PALLD: variants seen among roughly 807,000 people sequenced by gnomAD.
The protein encoded by PALLD is palladin.
A neutral mutation model predicts 123.5 loss-of-function variants in PALLD; 61 were observed. That is an observed-to-expected ratio of 0.49 (90% CI 0.40 to 0.61). The LOEUF (loss-of-function observed/expected upper bound fraction) is 0.61. Ranked by LOEUF, PALLD falls within the 20% of genes least tolerant of loss-of-function variation. PALLD has a pLI of 0.00. For synonymous variants in PALLD, 465 were observed against 496.4 expected (o/e 0.94, Z 0.84); for missense variants, 1,273 against 1,377.0 (o/e 0.92, Z 1.20).
intron 2 of PALLD, among the ~76,000 whole-genome samples, chr4:168,661,267 A>G (rs1037574462): frequency 2.0e-5 from 3 of 152,088 alleles, no homozygotes; most frequent in Admixed American, 6.5e-5. Context: ...TAGTCATTGT[A>G]TTTCCTTATG....
intron 10 of PALLD, among the ~76,000 whole-genome samples, chr4:168,878,922 TGAAG>T (rs1477278298): frequency 6.6e-6 from 1 of 152,192 alleles, no homozygotes; most frequent in African/African-American, 2.4e-5. Context: ...ACAATGGATG[TGAAG>T]GAGTTTGGTT....
At chr4:168,611,450 C>T (rs146112366) in intron 2 of PALLD, among the ~76,000 whole-genome samples, 1 of 152,196 alleles carries the variant, frequency 6.6e-6, no homozygotes, top group Admixed American at 6.5e-5. Flanking sequence ...AGCACAAACA[C>T]AAAGGTAGCA....
intron 10 of PALLD, among the ~76,000 whole-genome samples, chr4:168,752,263 A>G (rs1731161987): frequency 2.0e-5 from 3 of 152,202 alleles, no homozygotes; most frequent in Non-Finnish European, 4.4e-5. Context: ...AGTCCCAGCT[A>G]CTCAGGAGGC....
intron 2 of PALLD, among the ~76,000 whole-genome samples, chr4:168,662,641 A>T (rs1039198858): frequency 6.6e-6 from 1 of 152,228 alleles, no homozygotes. Context: ...CTTTCCCTAA[A>T]TGATACCAGC....
chr4:168,902,707 G>A (rs140641100), intron 14 of PALLD, among the ~76,000 whole-genome samples: 2 of 152,222 alleles, frequency 1.3e-5, no homozygotes, highest in Admixed American at 6.5e-5. Flanking sequence ...TTGTTTAAAA[G>A]TGAGGGAAGG....
chr4:168,661,935 A>G (rs947384163), intron 2 of PALLD, among the ~76,000 whole-genome samples: 5 of 152,132 alleles, frequency 3.3e-5, no homozygotes, highest in African/African-American at 9.7e-5. Context: ...TTTGCATATA[A>G]TATGCATTCA....
At chr4:168,782,290 G>A (rs1213900684) in intron 10 of PALLD, among the ~76,000 whole-genome samples, 2 of 152,188 alleles carry the variant, frequency 1.3e-5, no homozygotes, top group Non-Finnish European at 2.9e-5. Flanking sequence ...TTGATGTAGA[G>A]CGAATTATAT....
At chr4:168,672,521 C>T (rs1046195331) in intron 3 of PALLD, among the ~76,000 whole-genome samples, 8 of 151,736 alleles carry the variant, frequency 5.3e-5, no homozygotes, top group Non-Finnish European at 1.2e-4. Flanking sequence ...TGCAGTGGCG[C>T]GATCTTGGCT....
chr4:168,634,900 G>T (rs557830756), intron 2 of PALLD, among the ~76,000 whole-genome samples: 1 of 151,962 alleles, frequency 6.6e-6, no homozygotes, highest in Non-Finnish European at 1.5e-5. Flanking sequence ...GCGAAGAGCT[G>T]TACTCCCTAT....
chr4:168,657,474 G>C (rs1303922524), intron 2 of PALLD, among the ~76,000 whole-genome samples: 1 of 152,178 alleles, frequency 6.6e-6, no homozygotes, highest in Non-Finnish European at 1.5e-5. Flanking sequence ...AGTCAACTTA[G>C]TTGATCTATG....
chr4:168,696,162 A>C (rs1351870605), intron 8 of PALLD, among the ~76,000 whole-genome samples: 1 of 152,094 alleles, frequency 6.6e-6, no homozygotes, highest in East Asian at 1.9e-4. Flanking sequence ...CTAGAGGGAG[A>C]GGGGGAAGAC....
intron 8 of PALLD, chr4:168,700,433 A>G (rs1256300469): frequency 6.6e-6 from 1 of 152,234 alleles, no homozygotes; most frequent in Non-Finnish European, 1.5e-5. Flanking sequence ...AAGTATTCCT[A>G]TAAAATCATA....
chr4:168,877,804 G>T, intron 10 of PALLD: 1 of 1,242,190 alleles, frequency 8.1e-7, no homozygotes, highest in Non-Finnish European at 1.0e-6. Context: ...CGCCAGCCCC[G>T]CGCAGCGCGC....
chr4:168,713,362 T>C (rs561581259), intron 10 of PALLD, among the ~76,000 whole-genome samples: 1 of 152,342 alleles, frequency 6.6e-6, no homozygotes, highest in Admixed American at 6.5e-5. Flanking sequence ...TCTTTGCATT[T>C]TGAATATGTA....
At chr4:168,862,563 C>G (rs1017835234) in intron 10 of PALLD, among the ~76,000 whole-genome samples, 1 of 152,168 alleles carries the variant, frequency 6.6e-6, no homozygotes, top group African/African-American at 2.4e-5. Flanking sequence ...TTGTTGATTG[C>G]GCTCTCTCAT....
At chr4:168,649,620 G>A (rs1394684471) in intron 2 of PALLD, among the ~76,000 whole-genome samples, 1 of 152,116 alleles carries the variant, frequency 6.6e-6, no homozygotes, top group East Asian at 1.9e-4. Context: ...TGGGTAACAT[G>A]CATCAAGCCC....
chr4:168,500,771 A>G (rs1453254474), intron 1 of PALLD, among the ~76,000 whole-genome samples: 1 of 152,186 alleles, frequency 6.6e-6, no homozygotes, highest in East Asian at 1.9e-4. Context: ...CAGCAACTTT[A>G]AAGGCAAATG....
At chr4:168,836,742 G>T (rs1745255852) in intron 10 of PALLD, among the ~76,000 whole-genome samples, 1 of 152,168 alleles carries the variant, frequency 6.6e-6, no homozygotes, top group Admixed American at 6.5e-5. Flanking sequence ...GAAGTAGGCG[G>T]CCCTCAGCTT....
intron 2 of PALLD, among the ~76,000 whole-genome samples, chr4:168,643,043 T>C (rs1777111221): frequency 1.3e-5 from 2 of 152,220 alleles, no homozygotes; most frequent in African/African-American, 4.8e-5. Context: ...GTTCTCTATA[T>C]AGGAAAGCTT....
Sources: allele counts gnomAD v4.1 joint callset (sites outside exome capture counted in the v4.1 genomes callset), GRCh38; gene constraint gnomAD v4.1.1; transcripts MANE v1.5; gene names NCBI Gene and HGNC (gene_info 2026-07-23, HGNC 2026-07-21).